Variants in SRP19 observed in about 807,000 individuals in gnomAD.
The protein encoded by SRP19 is signal recognition particle 19 kDa protein.
A neutral mutation model predicts 22.4 loss-of-function variants in SRP19; 11 were observed. That is an observed-to-expected ratio of 0.49 (90% CI 0.31 to 0.81). The LOEUF (loss-of-function observed/expected upper bound fraction) is 0.81, where lower values mean the gene tolerates loss of function less well. SRP19 is among the 40% of genes least tolerant of loss of function. SRP19 has a pLI of 0.05. For missense variants in SRP19, 168 were observed against 175.9 expected (o/e 0.96, Z 0.25); for synonymous variants, 61 against 57.6 (o/e 1.06, Z -0.27).
downstream of SRP19, among the ~76,000 whole-genome samples, chr5:112,870,941 C>T (rs35120206): frequency 0.014 from 2,164 of 152,214 alleles, 20 homozygotes; most frequent in Non-Finnish European, 0.022. Flanking sequence ...CAATATCTGC[C>T]GCCTGGTTTC....
intron 4 of SRP19, among the ~76,000 whole-genome samples, chr5:112,883,588 C>T (rs147429640): frequency 1.3e-4 from 20 of 152,300 alleles, no homozygotes; most frequent in Non-Finnish European, 2.9e-4. Flanking sequence ...CCTAACTACA[C>T]TACCTTCGTG....
chr5:112,871,469 T>C (rs1767758457), downstream of SRP19, among the ~76,000 whole-genome samples: 1 of 151,862 alleles, frequency 6.6e-6, no homozygotes, highest in Admixed American at 6.6e-5. Context: ...AATTTTTTTT[T>C]AGAGGCCAGG....
intron 4 of SRP19, chr5:112,865,106 A>T: frequency 6.4e-6 from 1 of 157,414 alleles, no homozygotes; most frequent in Non-Finnish European, 1.4e-5. Flanking sequence ...TGATTCTATC[A>T]TTAATAAATC....
downstream of SRP19, among the ~76,000 whole-genome samples, chr5:112,873,937 G>A (rs1454684490): frequency 6.6e-6 from 1 of 151,356 alleles, no homozygotes; most frequent in East Asian, 2.0e-4. Context: ...GCTGAGGCAA[G>A]AAGATCACTT....
intron 4 of SRP19, chr5:112,885,351 A>G: frequency 5.7e-6 from 1 of 175,548 alleles, no homozygotes; most frequent in Non-Finnish European, 1.2e-5. Flanking sequence ...AACTTTTGCT[A>G]GAAAATCAGT....
chr5:112,891,627 C>G (rs770144660), exon 5 of SRP19: 1 of 1,589,820 alleles, frequency 6.3e-7, no homozygotes, highest in South Asian at 1.1e-5. Context: ...AGGGGTCAGG[C>G]GGTGCTGGCA....
intron 4 of SRP19, among the ~76,000 whole-genome samples, chr5:112,875,113 G>GA (rs1325832476): frequency 6.6e-6 from 1 of 152,174 alleles, no homozygotes; most frequent in East Asian, 1.9e-4. Flanking sequence ...TCTAACCAAG[G>GA]AAACTCTTAA....
chr5:112,877,260 T>C (rs886275163), intron 4 of SRP19: 1 of 152,232 alleles, frequency 6.6e-6, no homozygotes, highest in African/African-American at 2.4e-5. Context: ...GACATTGTTA[T>C]GATCTTACCT....
downstream of SRP19, among the ~76,000 whole-genome samples, chr5:112,874,089 C>A (rs79783070): frequency 6.6e-6 from 1 of 152,106 alleles, no homozygotes; most frequent in Non-Finnish European, 1.5e-5. Context: ...TAGCTTGAGC[C>A]CAGGAAATTG....
chr5:112,877,284 A>G (rs1038686785), intron 4 of SRP19: 1 of 152,162 alleles, frequency 6.6e-6, no homozygotes, highest in African/African-American at 2.4e-5. Context: ...TGTTATCTCA[A>G]GGTGAGCTAA....
chr5:112,879,642 T>G (rs1024632960), intron 4 of SRP19, among the ~76,000 whole-genome samples: 1 of 151,568 alleles, frequency 6.6e-6, no homozygotes, highest in African/African-American at 2.4e-5. Flanking sequence ...CCCAGCTAAT[T>G]TTTTTTTGTA....
intron 4 of SRP19, chr5:112,878,745 G>C (rs780459726): frequency 6.2e-7 from 1 of 1,611,890 alleles, no homozygotes; most frequent in South Asian, 1.1e-5. Context: ...AGCTCCAGTA[G>C]GAAGGTACAG....
intron 4 of SRP19, among the ~76,000 whole-genome samples, chr5:112,883,455 G>A (rs192156160): frequency 1.2e-4 from 19 of 152,204 alleles, no homozygotes; most frequent in Admixed American, 9.8e-4. Flanking sequence ...GATACCACAC[G>A]CTCATGGTTT....
chr5:112,889,294 A>G (rs1768357569), intron 4 of SRP19, among the ~76,000 whole-genome samples: 1 of 150,980 alleles, frequency 6.6e-6, no homozygotes, highest in Non-Finnish European at 1.5e-5. Flanking sequence ...CCCCAAAACT[A>G]TAGCTGTATG....
In SRP19 at chr5:112,868,551, C is replaced by G. The variant is rs974168084; in HGVS notation, c.*1014C>G. Reference sequence around the variant, plus strand: ...TAGGAGCTGGGATTACAGGCATGTGCCACCACACCCGGCTAATTTTGTATT... The same window carrying G: ...TAGGAGCTGGGATTACAGGCATGTGGCACCACACCCGGCTAATTTTGTATT... On this transcript the variant is annotated 3_prime_UTR_variant, in exon 5 of 5. Coordinates refer to ENST00000505459, the MANE Select transcript of SRP19 (RefSeq NM_003135.3). 1 of 205,344 alleles carries G rather than the reference C, an allele frequency of 4.9e-6. No individual in the cohort carries two copies. Among genetic ancestry groups the G allele is most frequent in the African/African-American group, 2.4e-5 (1 of 42,446 alleles). The allele number at this position is 205,344 out of a possible 1,614,324, so 12.7% of individuals were successfully genotyped here.
At chr5:112,869,979 C>T (rs1467059118), downstream of SRP19, among the ~76,000 whole-genome samples, 7 of 152,034 alleles carry the variant, frequency 4.6e-5, no homozygotes, top group Non-Finnish European at 1.0e-4. Flanking sequence ...AAATTGGACA[C>T]AGTAACAGAT....
At chr5:112,865,887 C>G (rs889455831) in intron 4 of SRP19, among the ~76,000 whole-genome samples, 1 of 152,104 alleles carries the variant, frequency 6.6e-6, no homozygotes, top group East Asian at 1.9e-4. Context: ...CCACTGCCCC[C>G]GGCCTGATTT....
chr5:112,867,267 T>A, intron 4 of SRP19, 137 bp from the exon 5 acceptor site: 1 of 1,006,108 alleles, frequency 9.9e-7, no homozygotes, highest in Non-Finnish European at 1.4e-6. Context: ...CTTCAGTCAT[T>A]TGATTTTTGA....
In SRP19 at chr5:112,861,433, G is replaced by T. The variant is rs758974752; in HGVS notation, c.41+16G>T. ...ACCAGGACAGGTGGGTTCTGAGGCGGTGGGTCCTCCGAAAGGAAGGGGCTT... is the reference window on the plus strand; with the variant it reads ...ACCAGGACAGGTGGGTTCTGAGGCGTTGGGTCCTCCGAAAGGAAGGGGCTT... On this transcript the variant is annotated intron_variant, in intron 1 of 4. Coordinates refer to ENST00000505459, the MANE Select transcript of SRP19 (RefSeq NM_003135.3). 1.9e-6 allele frequency: 3 copies of T among 1,611,138 alleles called. No homozygotes were observed. Among genetic ancestry groups the T allele is most frequent in the East Asian group, 2.2e-5 (1 of 44,782 alleles).
Sources: gnomAD v4.1 joint callset for allele counts (sites outside exome capture counted in the v4.1 genomes callset) on GRCh38, gnomAD v4.1.1 for gene constraint, MANE v1.5 for transcripts, NCBI Gene and HGNC (gene_info 2026-07-23, HGNC 2026-07-21) for gene names.